Variants in VPS8 observed in about 807,000 individuals in gnomAD.
VPS8 encodes the protein vacuolar protein sorting-associated protein 8 homolog.
Under a neutral mutation model 216.4 loss-of-function variants are expected in VPS8, and 129 were observed. The ratio of observed to expected loss-of-function variants is 0.60; its 90% CI spans 0.52 to 0.69. VPS8 has a LOEUF of 0.69. VPS8 is among the 30% of genes least tolerant of loss of function. VPS8 has a pLI of 0.00. For missense variants in VPS8, 1,531 were observed against 1,683.5 expected (o/e 0.91, Z 1.59); for synonymous variants, 571 against 565.4 (o/e 1.01, Z -0.14).
At chr3:185,039,752 CAT>C (rs999265916) in intron 46 of VPS8, among the ~76,000 whole-genome samples, 5 of 152,036 alleles carry the variant, frequency 3.3e-5, no homozygotes, top group African/African-American at 7.2e-5. Flanking sequence ...TCATGGGTCT[CAT>C]GTGCAAATTT....
At chr3:185,013,014 G>T (rs1755258535) in intron 45 of VPS8, among the ~76,000 whole-genome samples, 2 of 150,958 alleles carry the variant, frequency 1.3e-5, no homozygotes, top group Non-Finnish European at 2.9e-5. Flanking sequence ...TAAAGGGATG[G>T]GCTGAAATAA....
intron 2 of VPS8, 119 bp downstream of exon 2, chr3:184,824,904 AAT>A: frequency 1.1e-6 from 1 of 918,020 alleles, no homozygotes; most frequent in Non-Finnish European, 1.6e-6. Context: ...GTCTGTGTAT[AAT>A]TTTTTTTTTT....
At chr3:184,864,340 A>C (rs544387881) in intron 16 of VPS8, among the ~76,000 whole-genome samples, 1 of 152,204 alleles carries the variant, frequency 6.6e-6, no homozygotes, top group East Asian at 1.9e-4. Flanking sequence ...GGAAGACTCC[A>C]TGATTTGAGA....
At chr3:184,833,009 C>T (rs905646522) in intron 4 of VPS8, among the ~76,000 whole-genome samples, 190 bp downstream of exon 4, 2 of 152,080 alleles carry the variant, frequency 1.3e-5, no homozygotes, top group Non-Finnish European at 2.9e-5. Context: ...TGACCACAGT[C>T]TGAACTCTCG....
At chr3:184,943,616 A>G (rs1576927958) in intron 36 of VPS8, among the ~76,000 whole-genome samples, 1 of 152,170 alleles carries the variant, frequency 6.6e-6, no homozygotes, top group South Asian at 2.1e-4. Flanking sequence ...AGCAATAGAT[A>G]TTTTTAACCT....
intron 40 of VPS8, 157 bp from the exon 41 acceptor site, chr3:184,982,409 A>G (rs1309817426): frequency 3.4e-6 from 2 of 580,472 alleles, no homozygotes; most frequent in Non-Finnish European, 3.0e-6. Context: ...TTTGCCCCAA[A>G]TATTTCCATT....
intron 35 of VPS8, among the ~76,000 whole-genome samples, chr3:184,939,619 G>A (rs1742291003): frequency 6.7e-6 from 1 of 150,162 alleles, no homozygotes; most frequent in Admixed American, 6.7e-5. Context: ...CTTACAGAAA[G>A]TCACGTAAGT....
At chr3:184,946,581 C>T (rs1490593750) in intron 36 of VPS8, among the ~76,000 whole-genome samples, 1 of 152,160 alleles carries the variant, frequency 6.6e-6, no homozygotes, top group Non-Finnish European at 1.5e-5. Context: ...AAGGTGAAAT[C>T]CAGTTTTCCT....
In VPS8 at chr3:184,853,939, C is replaced by T; in HGVS notation, c.904C>T (p.His302Tyr). Residue 302 changes from histidine to tyrosine, a missense_variant, in exon 12 of 48, where the codon CAT becomes TAT. This residue lies in a region of VPS8 where 1,318 missense variants were observed against 1,468.4 expected (regional missense o/e 0.90). Transcript: ENST00000625842. Reference protein sequence around the residue: ...KGEVCCIEPLHSKPELKDHPI... With the variant: ...KGEVCCIEPLYSKPELKDHPI... Reference sequence around the variant, plus strand: ...TGAAGTCTGCTGTATTGAGCCTCTGCATTCTAAGCCTGAGTTGAAAGATCA... The same window carrying T: ...TGAAGTCTGCTGTATTGAGCCTCTGTATTCTAAGCCTGAGTTGAAAGATCA... 6.2e-7 allele frequency: 1 copy of T among 1,613,192 alleles called. No homozygotes were observed. The highest frequency in any genetic ancestry group is 8.5e-7 in the Non-Finnish European group (1 of 1,179,576).
At chr3:184,856,566 T>C (rs1725296952) in intron 14 of VPS8, among the ~76,000 whole-genome samples, 1 of 152,198 alleles carries the variant, frequency 6.6e-6, no homozygotes, top group Non-Finnish European at 1.5e-5. Context: ...CGAGTTACTT[T>C]TCAGTTACCT....
In VPS8 at chr3:185,018,646, TTTA is replaced by T. The variant is rs1411599212; in HGVS notation, c.4003-5689_4003-5687del. On this transcript the variant is annotated intron_variant, in intron 45 of 47. Transcript: ENST00000625842. ...CATCTGACTGGAAACAGCAACCTTC[TTTA>T]ACAGTCCCATTACAAGAGGAGAACC... 2.0e-5 allele frequency among the ~76,000 whole-genome samples: 3 copies of T among 152,256 alleles called. 1 individual carries two copies. Among genetic ancestry groups the T allele is most frequent in the Non-Finnish European group, 4.4e-5 (3 of 68,048 alleles).
At chr3:184,929,525 A>G (rs1261862680) in intron 32 of VPS8, 55 bp from the exon 33 acceptor site, 3 of 1,025,272 alleles carry the variant, frequency 2.9e-6, no homozygotes, top group African/African-American at 3.2e-5. Context: ...GCCAGAGCAA[A>G]TGTCTCAAAA....
chr3:184,940,270 T>TTTTATA (rs142586532), intron 36 of VPS8, 27 bp downstream of exon 36: 128 of 579,912 alleles, frequency 2.2e-4, no homozygotes, highest in Middle Eastern at 1.8e-3. Flanking sequence ...TAGTCTTTCA[T>TTTTATA]TATATATATA....
At chr3:184,994,835 A>G (rs768584443) in intron 43 of VPS8, among the ~76,000 whole-genome samples, 1 of 152,228 alleles carries the variant, frequency 6.6e-6, no homozygotes, top group Non-Finnish European at 1.5e-5. Context: ...TTTACAAAAG[A>G]AAGAGGTTTA....
intron 20 of VPS8, 118 bp downstream of exon 20, chr3:184,869,646 AACACACAC>A (rs563364165): frequency 2.1e-6 from 2 of 933,558 alleles, no homozygotes; most frequent in East Asian, 5.4e-5. Context: ...TGTATTAAAA[AACACACAC>A]ACACACAGAC....
intron 9 of VPS8, 131 bp from the exon 10 acceptor site, chr3:184,849,805 G>A: frequency 1.1e-5 from 8 of 707,496 alleles, no homozygotes; most frequent in Non-Finnish European, 2.4e-6. Context: ...CTTTAGGTAT[G>A]TTTTAACTTT....
At chr3:184,941,038 G>A (rs1041365956) in intron 36 of VPS8, among the ~76,000 whole-genome samples, 13 of 152,186 alleles carry the variant, frequency 8.5e-5, no homozygotes, top group Admixed American at 7.2e-4. Flanking sequence ...CATGGTTTAC[G>A]TGTAATTTTC....
chr3:184,822,885 A>G (rs896255582), intron 1 of VPS8, among the ~76,000 whole-genome samples: 1 of 152,232 alleles, frequency 6.6e-6, no homozygotes, highest in Non-Finnish European at 1.5e-5. Flanking sequence ...TATGTGTTCT[A>G]GGAATGTGTT....
At chr3:184,956,973 A>G (rs1745715030) in intron 36 of VPS8, among the ~76,000 whole-genome samples, 1 of 152,186 alleles carries the variant, frequency 6.6e-6, no homozygotes, top group African/African-American at 2.4e-5. Flanking sequence ...ATGTGATATG[A>G]TTGGTGCTAT....
Sources: allele counts gnomAD v4.1 joint callset (sites outside exome capture counted in the v4.1 genomes callset), GRCh38; gene constraint gnomAD v4.1.1; regional missense constraint gnomAD v4.1.1; transcripts MANE v1.5; gene names NCBI Gene and HGNC (gene_info 2026-07-23, HGNC 2026-07-21).